The following LRBA variants were observed in gnomAD, a reference collection of about 807,000 sequenced individuals.
LRBA encodes lipopolysaccharide-responsive and beige-like anchor protein.
LRBA carries 176 observed loss-of-function variants against 330.0 expected under a neutral mutation model. The observed-to-expected ratio is 0.53, with a 90% CI of 0.47 to 0.60. The LOEUF (loss-of-function observed/expected upper bound fraction) is 0.60, where lower values mean the gene tolerates loss of function less well. LRBA is among the 20% of genes least tolerant of loss of function. The pLI, the probability that LRBA is intolerant of heterozygous loss-of-function variation, is 0.00. For missense variants in LRBA, 3,259 were observed against 3,444.8 expected, an observed-to-expected ratio of 0.95 and a Z score of 1.35; for synonymous variants, 1,230 against 1,193.0, an observed-to-expected ratio of 1.03 and a Z score of -0.64.
Position 150,963,491 on chromosome 4 carries a change from A to G in LRBA, c.217-34426T>C, listed in dbSNP as rs1472628352. ...CAGAGTCTCGTTCACTCAGTGCTCA[A>G]TGGTGCCCAGGCTGGAGTGCAGTGG... On this transcript the variant is annotated intron_variant, in intron 2 of 56. Transcript: ENST00000651943. Among the ~76,000 whole-genome samples the G allele has an allele frequency of 1.3e-5, 2 of 149,488 alleles. 1 individual carries two copies. Among genetic ancestry groups the G allele is most frequent in the African/African-American group, 5.1e-5 (2 of 38,846 alleles).
chr4:150,761,967 GT>G (rs1309096234), intron 34 of LRBA, 120 bp from the exon 35 acceptor site: 1 of 633,122 alleles, frequency 1.6e-6, no homozygotes. Context: ...TAAAAGTTAT[GT>G]TAAACCATAT....
intron 45 of LRBA, 142 bp downstream of exon 45, chr4:150,436,582 G>C (rs527676936): frequency 1.6e-6 from 1 of 630,860 alleles, no homozygotes; most frequent in South Asian, 3.0e-5. Context: ...AAATGAGATA[G>C]AGATATTTAT....
At position 150,402,209 on chromosome 4, in the gene LRBA, C is replaced by CA. The variant is rs549290979; in HGVS notation, c.7194+13228dup. On this transcript the variant is annotated intron_variant, in intron 47 of 56. Coordinates refer to ENST00000651943, the MANE Select transcript of LRBA (RefSeq NM_001364905.1). ...TTTGGAATTATTTGGAAATAAAATA[C>CA]AAAAAAAGAACTTATTTTAGACGAG... Among the ~76,000 whole-genome samples the CA allele has an allele frequency of 3.9e-4, 55 of 140,234 alleles. 1 individual carries two copies. In the East Asian group the frequency reaches 0.01, roughly 26 times the overall value. 92.0% of individuals were successfully genotyped at this position (140,234 alleles called of 152,430 possible). A position where few individuals can be genotyped will look rare whatever the true frequency, so the allele number is the denominator to read the frequency against.
chr4:150,307,271 G>A (rs1392150327), intron 52 of LRBA, among the ~76,000 whole-genome samples: 2 of 151,920 alleles, frequency 1.3e-5, no homozygotes, highest in East Asian at 3.9e-4. Context: ...GGTTGAGGGT[G>A]GGGTAAAAAG....
chr4:150,969,521 G>A (rs886863857), intron 2 of LRBA, among the ~76,000 whole-genome samples: 1 of 152,218 alleles, frequency 6.6e-6, no homozygotes, highest in African/African-American at 2.4e-5. Context: ...AGGCTGGAGT[G>A]CAGTGGTGCA....
chr4:150,283,826 T>C (rs895303248), intron 54 of LRBA, among the ~76,000 whole-genome samples: 1 of 152,194 alleles, frequency 6.6e-6, no homozygotes, highest in African/African-American at 2.4e-5. Flanking sequence ...CAGATGTGCA[T>C]CATCATCATC....
At chr4:150,661,903 A>C (rs1331276307) in intron 37 of LRBA, among the ~76,000 whole-genome samples, 1 of 152,156 alleles carries the variant, frequency 6.6e-6, no homozygotes, top group East Asian at 1.9e-4. Context: ...TACAGGCATG[A>C]GGCACCACGC....
chr4:150,415,612 T>G (rs1277014650), intron 46 of LRBA, 22 bp from the exon 47 acceptor site: 9 of 1,411,194 alleles, frequency 6.4e-6, no homozygotes, highest in Non-Finnish European at 9.0e-6. Flanking sequence ...TAAAAGACAA[T>G]GTGATATTAT....
At chr4:150,946,418 G>A (rs1736250320) in intron 2 of LRBA, among the ~76,000 whole-genome samples, 1 of 152,036 alleles carries the variant, frequency 6.6e-6, no homozygotes, top group Admixed American at 6.6e-5. Context: ...TATGGAGTGG[G>A]TTCTCTGACC....
intron 17 of LRBA, among the ~76,000 whole-genome samples, chr4:150,887,638 G>A (rs1261735209): frequency 1.3e-5 from 2 of 151,708 alleles, no homozygotes; most frequent in Middle Eastern, 3.4e-3. Flanking sequence ...GCATGCTGGC[G>A]GGCGCCTGTA....
intron 40 of LRBA, among the ~76,000 whole-genome samples, chr4:150,492,521 A>G (rs1235167270): frequency 6.6e-6 from 1 of 152,146 alleles, no homozygotes; most frequent in Non-Finnish European, 1.5e-5. Context: ...AGATACCACC[A>G]GTTGGTCTAT....
chr4:150,785,054 A>G (rs191745809), intron 34 of LRBA, among the ~76,000 whole-genome samples: 49 of 152,306 alleles, frequency 3.2e-4, no homozygotes, highest in Middle Eastern at 3.4e-3. Context: ...TGTGCGTGAG[A>G]TAAGAGTTTT....
At chr4:150,571,649 GTTTTTTTTTTTTT>G (rs58652637) in intron 40 of LRBA, among the ~76,000 whole-genome samples, 2 of 74,592 alleles carry the variant, frequency 2.7e-5, no homozygotes, top group Admixed American at 2.0e-4. Flanking sequence ...CTGGTTAGTT[GTTTTTTTTTTTTT>G]TTTTTTTTTT....
chr4:150,538,108 T>C (rs1764880562), intron 40 of LRBA, among the ~76,000 whole-genome samples: 1 of 152,218 alleles, frequency 6.6e-6, no homozygotes. Flanking sequence ...CTAGTCAGAA[T>C]GGCTATTATT....
rs70941428 is a variant in LRBA, at chr4:150,693,563, C to CAAAA, written c.5755-9850_5755-9847dup. 4.8e-3 allele frequency among the ~76,000 whole-genome samples: 255 copies of CAAAA among 52,632 alleles called. 29 individuals are homozygous for CAAAA. The Middle Eastern group carries it at 0.065, about 13-fold the overall frequency. 34.5% of individuals were successfully genotyped at this position (52,632 alleles called of 152,430 possible). On this transcript the variant is annotated intron_variant, in intron 36 of 56. Coordinates refer to ENST00000651943, the MANE Select transcript of LRBA (RefSeq NM_001364905.1). ...TGGGTGACAGAGCGAGACTCCGTCT[C>CAAAA]AAAAAAAAAAAAAAAAAAAAAAATT...
At chr4:150,741,496 T>C (rs1231847136) in intron 35 of LRBA, among the ~76,000 whole-genome samples, 2 of 152,278 alleles carry the variant, frequency 1.3e-5, no homozygotes, top group East Asian at 3.9e-4. Flanking sequence ...TTTAAAAGGC[T>C]GGCATCACCA....
intron 34 of LRBA, among the ~76,000 whole-genome samples, chr4:150,786,253 T>TC (rs1578777308): frequency 7.7e-6 from 1 of 130,210 alleles, no homozygotes; most frequent in Non-Finnish European, 1.7e-5. Context: ...ATTTTGCATT[T>TC]CTTTTTTTTT....
chr4:150,948,841 G>C (rs1036286512), intron 2 of LRBA, among the ~76,000 whole-genome samples: 2 of 151,710 alleles, frequency 1.3e-5, no homozygotes, highest in Non-Finnish European at 3.0e-5. Context: ...CACACAAAAA[G>C]TCTAACATCA....
At chr4:150,342,352 G>A (rs1581063049) in intron 48 of LRBA, among the ~76,000 whole-genome samples, 2 of 151,944 alleles carry the variant, frequency 1.3e-5, no homozygotes, top group Admixed American at 6.6e-5. Flanking sequence ...GTTAAAGGCA[G>A]TGAAAAAAAG....
Sources: gnomAD v4.1 joint callset for allele counts (sites outside exome capture counted in the v4.1 genomes callset) on GRCh38, gnomAD v4.1.1 for gene constraint, MANE v1.5 for transcripts, NCBI Gene and HGNC (gene_info 2026-07-23, HGNC 2026-07-21) for gene names.